The following ATG3 variants were observed in gnomAD, a reference collection of about 807,000 sequenced individuals.
The protein encoded by ATG3 is autophagy related 3.
Under a neutral mutation model 50.7 loss-of-function variants are expected in ATG3, and 25 were observed. That is an observed-to-expected ratio of 0.49 (90% CI 0.36 to 0.69). The LOEUF (loss-of-function observed/expected upper bound fraction) is 0.69. Ranked by LOEUF, ATG3 falls within the 30% of genes least tolerant of loss-of-function variation. ATG3 has a pLI of 0.00. For synonymous variants in ATG3, 119 were observed against 125.5 expected (o/e 0.95, Z 0.34); for missense variants, 281 against 376.0 (o/e 0.75, Z 2.09).
At chr3:112,534,485 T>C in intron 10 of ATG3, 148 bp from the exon 11 acceptor site, 1 of 429,972 alleles carries the variant, frequency 2.3e-6, no homozygotes, top group Non-Finnish European at 3.9e-6. Context: ...CCCCCACCAC[T>C]CCCCAATAAC....
intron 7 of ATG3, chr3:112,538,407 T>TC (rs1250825440): frequency 6.6e-6 from 3 of 453,992 alleles, no homozygotes; most frequent in Non-Finnish European, 7.9e-6. Context: ...TACTGTAGAG[T>TC]CCTCAGTGGC....
intron 1 of ATG3, 138 bp downstream of exon 1, chr3:112,561,319 G>T: frequency 1.2e-6 from 1 of 854,468 alleles, no homozygotes; most frequent in South Asian, 1.4e-5. Flanking sequence ...GGTGGGGGCT[G>T]CACACTTCCC....
intron 10 of ATG3, chr3:112,535,263 G>C (rs940241006): frequency 6.6e-6 from 1 of 152,128 alleles, no homozygotes; most frequent in African/African-American, 2.4e-5. Context: ...TGATTCCAGA[G>C]GATTTGAAGG....
intron 9 of ATG3, among the ~76,000 whole-genome samples, chr3:112,536,973 T>C (rs539295799): frequency 1.7e-4 from 23 of 139,156 alleles, no homozygotes; most frequent in African/African-American, 5.8e-4. Context: ...GAAATTACTA[T>C]TTAGAAACTT....
intron 6 of ATG3, 130 bp from the exon 7 acceptor site, chr3:112,542,014 C>G (rs571851460): frequency 1.7e-6 from 1 of 605,544 alleles, no homozygotes; most frequent in Non-Finnish European, 2.8e-6. Flanking sequence ...CCACAAAAAC[C>G]TTAAACTCCA....
chr3:112,561,449 T>A lies in ATG3; in HGVS notation c.72+8A>T. The A allele has an allele frequency of 6.2e-7, 1 of 1,612,500 alleles. No homozygotes were observed. On this transcript the variant is annotated splice_region_variant and intron_variant, in intron 1 of 11. Coordinates refer to ENST00000283290, the MANE Select transcript of ATG3 (RefSeq NM_022488.5). ...CTGACAGCTCCCGGCAACCCTGGCCTGGCTTACCTTGAGGACCGGGGTCAG... is the reference window on the plus strand; with the variant it reads ...CTGACAGCTCCCGGCAACCCTGGCCAGGCTTACCTTGAGGACCGGGGTCAG...
intron 2 of ATG3, among the ~76,000 whole-genome samples, chr3:112,555,956 CTA>C (rs1207417315): frequency 2.6e-5 from 4 of 152,192 alleles, no homozygotes; most frequent in African/African-American, 4.8e-5. Context: ...CTAACTGCAA[CTA>C]TATATTCAAC....
Position 112,544,116 on chromosome 3 carries a change from A to T in ATG3, c.344-10T>A. The T allele has an allele frequency of 6.3e-7, 1 of 1,593,034 alleles. No individual in the cohort carries two copies. The highest frequency in any genetic ancestry group is 8.6e-7 in the Non-Finnish European group (1 of 1,161,888). ...GTTATTCCTGTAATACCTATGTAAAATTCGGCAGAAAAGAATAACTAAAAT... is the reference window on the plus strand; with the variant it reads ...GTTATTCCTGTAATACCTATGTAAATTTCGGCAGAAAAGAATAACTAAAAT... On this transcript the variant is annotated splice_polypyrimidine_tract_variant and intron_variant, in intron 5 of 11. Coordinates refer to ENST00000283290, the MANE Select transcript of ATG3 (RefSeq NM_022488.5).
chr3:112,535,049 C>CT (rs977345702), intron 10 of ATG3: 2 of 152,058 alleles, frequency 1.3e-5, no homozygotes, highest in African/African-American at 2.4e-5. Context: ...ATCTATACAT[C>CT]TTTTCATGGC....
Position 112,544,060 on chromosome 3 carries a change from A to G in ATG3, c.390T>C (p.Asn130=). 6.3e-7 allele frequency: 1 copy of G among 1,595,992 alleles called. No homozygotes were observed. ...TEAVKEITLE[N]KDNIRLQDCS... ...AATATAACTAATTAACCAGTACCTT[A>G]TTTTCCAGTGTGATCTCTTTAACGG... Residue 130 remains asparagine, a synonymous_variant, in exon 6 of 12, where the codon AAT becomes AAC. Coordinates refer to ENST00000283290, the MANE Select transcript of ATG3 (RefSeq NM_022488.5).
At chr3:112,538,218 A>C in intron 7 of ATG3, 38 bp from the exon 8 acceptor site, 1 of 1,492,614 alleles carries the variant, frequency 6.7e-7, no homozygotes, top group East Asian at 2.3e-5. Flanking sequence ...ATCAAGTTCA[A>C]GTTCAAGAAA....
Position 112,533,579 on chromosome 3 carries a change from C to T in ATG3, c.863+690G>A, listed in dbSNP as rs1023730285. On this transcript the variant is annotated intron_variant, in intron 11 of 11. Coordinates refer to ENST00000283290, the MANE Select transcript of ATG3 (RefSeq NM_022488.5). The stretch of plus-strand genomic sequence containing the variant: ...CACATCTAATCTAACACATAGTAGC[C>T]GAAACCACCACCAAGTCAAGTATTA... 8.2e-5 allele frequency: 81 copies of T among 985,106 alleles called. No homozygotes were observed. In the East Asian group the frequency reaches 9.1e-4, roughly 11 times the overall value. The allele number at this position is 985,106 out of a possible 1,614,324, so 61.0% of individuals were successfully genotyped here.
intron 2 of ATG3, among the ~76,000 whole-genome samples, chr3:112,553,650 T>A (rs1933586767): frequency 6.6e-6 from 1 of 152,202 alleles, no homozygotes. Context: ...TTGATAAATG[T>A]AAGGCTATCA....
chr3:112,551,112 C>G (rs1933513312), intron 3 of ATG3, among the ~76,000 whole-genome samples: 1 of 152,160 alleles, frequency 6.6e-6, no homozygotes, highest in Admixed American at 6.5e-5. Context: ...TGTGGGTCAT[C>G]TGAAAACGGT....
rs532846921 is a variant in ATG3 at position 112,537,576 on chromosome 3, TAAGA to T, written c.666+155_666+158del. The T allele has an allele frequency of 8.8e-4, 449 of 510,066 alleles. 4 individuals are homozygous for T. The highest frequency in any genetic ancestry group is 8.3e-3 in the African/African-American group (421 of 50,606). The allele number at this position is 510,066 out of a possible 1,614,324, so 31.6% of individuals were successfully genotyped here. ...TGAATAATTCATAGTTCATTCAAAATAAGAAAGAATCAAGTTCAACATTAATCAT... is the reference window on the plus strand; with the variant it reads ...TGAATAATTCATAGTTCATTCAAAATAAGAATCAAGTTCAACATTAATCAT... On this transcript the variant is annotated intron_variant, in intron 9 of 11. Transcript: ENST00000283290.
At position 112,532,938 on chromosome 3, in the gene ATG3, T is replaced by A. The variant is rs1559840614; in HGVS notation, c.864-158A>T. On this transcript the variant is annotated intron_variant, in intron 11 of 11. Coordinates refer to ENST00000283290, the MANE Select transcript of ATG3 (RefSeq NM_022488.5). ...AAGAATTCAACTATGCAAATTTGTG[T>A]CTATTTAACATGAGGCTCTTTAAGA... The A allele has an allele frequency of 1.1e-5, 14 of 1,300,420 alleles. 1 individual carries two copies. The South Asian group carries it at 2.6e-4, about 24-fold the overall frequency. 80.6% of individuals were successfully genotyped at this position (1,300,420 alleles called of 1,614,324 possible).
intron 1 of ATG3, among the ~76,000 whole-genome samples, chr3:112,561,164 C>A (rs1262937517): frequency 6.6e-6 from 1 of 152,210 alleles, no homozygotes; most frequent in Non-Finnish European, 1.5e-5. Context: ...GTTCTTCAAT[C>A]TACTCAGCCT....
intron 7 of ATG3, 143 bp from the exon 8 acceptor site, chr3:112,538,323 TAA>T: frequency 1.6e-6 from 1 of 624,768 alleles, no homozygotes; most frequent in Non-Finnish European, 2.8e-6. Flanking sequence ...TAGATAGATA[TAA>T]GTGAGCTAAT....
chr3:112,558,320 AC>A lies in ATG3; in HGVS notation c.114+55del, dbSNP rs1258426861. 7.6e-6 allele frequency: 10 copies of A among 1,318,866 alleles called. No homozygotes were observed. The African/African-American group carries it at 1.5e-4, about 20-fold the overall frequency. The allele number at this position is 1,318,866 out of a possible 1,614,324, so 81.7% of individuals were successfully genotyped here. A position where few individuals can be genotyped will look rare whatever the true frequency, so the allele number is the denominator to read the frequency against. ...TGTTTTCTTATGAAGCAGAAAAGCC[AC>A]CTAGTTTAGTATTATTGTAAAATAA... On this transcript the variant is annotated intron_variant, in intron 2 of 11. Transcript: ENST00000283290.
Sources: gnomAD v4.1 joint callset for allele counts (sites outside exome capture counted in the v4.1 genomes callset) on GRCh38, gnomAD v4.1.1 for gene constraint, MANE v1.5 for transcripts, NCBI Gene and HGNC (gene_info 2026-07-23, HGNC 2026-07-21) for gene names.